Variants in FNBP4 observed in about 807,000 individuals in gnomAD.
The protein encoded by FNBP4 is formin binding protein 4.
In FNBP4, 34 loss-of-function variants were observed where a neutral mutation model predicts 119.3. The observed-to-expected ratio is 0.28, with a 90% CI of 0.22 to 0.38. FNBP4 has a LOEUF of 0.38. FNBP4 is among the 10% of genes least tolerant of loss of function. The pLI is 1.00. For missense variants in FNBP4, 1,112 were observed against 1,228.9 expected (o/e 0.90, Z 1.42); for synonymous variants, 462 against 430.6 (o/e 1.07, Z -0.90).
At chr11:47,743,035 A>T (rs1472924914) in intron 8 of FNBP4, among the ~76,000 whole-genome samples, 2 of 150,760 alleles carry the variant, frequency 1.3e-5, no homozygotes, top group Non-Finnish European at 2.9e-5. Flanking sequence ...TATGTTGCCC[A>T]GCTAGCCTGG....
At chr11:47,745,496 C>A (rs546576927) in intron 7 of FNBP4, among the ~76,000 whole-genome samples, 1 of 152,006 alleles carries the variant, frequency 6.6e-6, no homozygotes, top group African/African-American at 2.4e-5. Context: ...GGGAAAAACC[C>A]GGCCCTGGTA....
chr11:47,717,445 T>C lies in FNBP4; in HGVS notation c.3031A>G (p.Arg1011Gly), dbSNP rs762219621. ...AACTATGTGTTTGGAGCCATTTTCC[T>C]TCTCTTCAGCCTTGCTCTCCAATCC... ...PEDWRARLKR[R>G]KMAPNT The change falls in exon 17 of 17, where the codon AGG (arginine) becomes GGG (glycine). Residue 1011 changes from arginine to glycine, a missense_variant. By Grantham distance (125) the Arg-to-Gly change is moderately radical. Coordinates refer to ENST00000263773, the MANE Select transcript of FNBP4 (RefSeq NM_015308.5). 1 of 1,612,462 alleles carries C rather than the reference T, an allele frequency of 6.2e-7. No individual in the cohort carries two copies. Among genetic ancestry groups the C allele is most frequent in the Non-Finnish European group, 8.5e-7 (1 of 1,179,648 alleles).
intron 2 of FNBP4, among the ~76,000 whole-genome samples, chr11:47,759,914 T>C (rs995217890): frequency 6.6e-6 from 1 of 152,122 alleles, no homozygotes; most frequent in Non-Finnish European, 1.5e-5. Context: ...GGCTGTGCCA[T>C]TGCACTCCAA....
intron 12 of FNBP4, among the ~76,000 whole-genome samples, chr11:47,730,770 TAACTA>T (rs953935619): frequency 7.2e-5 from 11 of 152,168 alleles, no homozygotes; most frequent in Non-Finnish European, 1.5e-4. Flanking sequence ...AAAATGTATG[TAACTA>T]AACTAAATTC....
chr11:47,727,906 T>A (rs1467581031), intron 12 of FNBP4, among the ~76,000 whole-genome samples: 1 of 152,182 alleles, frequency 6.6e-6, no homozygotes, highest in African/African-American at 2.4e-5. Context: ...TTAGATGGAC[T>A]CTTGCTCTTG....
chr11:47,750,381 CAAAAAAAAAAAAAAA>C (rs59583797), intron 6 of FNBP4, among the ~76,000 whole-genome samples: 4 of 24,752 alleles, frequency 1.6e-4, no homozygotes, highest in African/African-American at 1.9e-4. Context: ...GACTCCATAT[CAAAAAAAAAAAAAAA>C]AAAAAAAAAA....
intron 6 of FNBP4, 39 bp downstream of exon 6, chr11:47,750,877 A>G (rs766217807): frequency 1.2e-6 from 2 of 1,608,752 alleles, no homozygotes; most frequent in Non-Finnish European, 1.7e-6. Flanking sequence ...CGCTTATTAG[A>G]TCTGAAAATA....
intron 12 of FNBP4, 90 bp from the exon 13 acceptor site, chr11:47,724,868 T>C (rs1447518662): frequency 6.8e-7 from 1 of 1,472,472 alleles, no homozygotes; most frequent in Admixed American, 2.5e-5. Context: ...AGTAAGATAA[T>C]CATTTATAGG....
chr11:47,754,809 CAGA>C (rs2097613004), intron 2 of FNBP4, 145 bp from the exon 3 acceptor site: 1 of 843,494 alleles, frequency 1.2e-6, no homozygotes, highest in Non-Finnish European at 1.8e-6. Context: ...TGAACTACCA[CAGA>C]AGAATAAATT....
chr11:47,749,048 CAG>C (rs937873231), intron 6 of FNBP4, among the ~76,000 whole-genome samples: 30 of 152,190 alleles, frequency 2.0e-4, no homozygotes, highest in Middle Eastern at 3.4e-3. Flanking sequence ...CACTTGAGCT[CAG>C]AGTTTGAGAC....
At chr11:47,765,049 T>TA (rs1011318449) in intron 2 of FNBP4, among the ~76,000 whole-genome samples, 7 of 151,664 alleles carry the variant, frequency 4.6e-5, no homozygotes, top group African/African-American at 1.5e-4. Context: ...AAAAAAACAG[T>TA]AAAAAACGTT....
intron 12 of FNBP4, 88 bp downstream of exon 12, chr11:47,731,286 T>G: frequency 8.0e-7 from 1 of 1,251,310 alleles, no homozygotes; most frequent in South Asian, 1.6e-5. Context: ...TATATTATTA[T>G]GACATAAAAT....
chr11:47,724,874 A>C, intron 12 of FNBP4, 96 bp from the exon 13 acceptor site: 1 of 1,456,668 alleles, frequency 6.9e-7, no homozygotes, highest in South Asian at 1.5e-5. Flanking sequence ...ATAATCATTT[A>C]TAGGAACCTA....
chr11:47,743,869 G>T, intron 8 of FNBP4, 84 bp downstream of exon 8: 2 of 1,236,946 alleles, frequency 1.6e-6, no homozygotes, highest in African/African-American at 1.5e-5. Flanking sequence ...CTCCTGTTTT[G>T]TTGAAGAGGA....
At position 47,721,114 on chromosome 11, in the gene FNBP4, G is replaced by A. The variant is rs571153872; in HGVS notation, c.2806-1028C>T. Among the ~76,000 whole-genome samples the A allele has an allele frequency of 5.3e-5, 8 of 151,950 alleles. No individual in the cohort carries two copies. The South Asian group carries it at 1.7e-3, about 32-fold the overall frequency. On this transcript the variant is annotated intron_variant, in intron 15 of 16. Transcript: ENST00000263773. The stretch of plus-strand genomic sequence containing the variant: ...AGGCGGGAGGATCACGAGGTCAGGT[G>A]ATCGAGACCATCCTAGCTAACACGG...
rs571280950 is a variant in FNBP4, at chr11:47,749,717, T to C, written c.906+1199A>G. The stretch of plus-strand genomic sequence containing the variant: ...GGTTTCACTAACATAGTATCCGTTA[T>C]TGAAAAATCCAAAATCTGAAACCGT... On this transcript the variant is annotated intron_variant, in intron 6 of 16. Transcript: ENST00000263773. 1.9e-4 allele frequency among the ~76,000 whole-genome samples: 29 copies of C among 152,302 alleles called. 1 individual carries two copies. The East Asian group carries it at 3.7e-3, about 19-fold the overall frequency.
intron 8 of FNBP4, among the ~76,000 whole-genome samples, chr11:47,737,776 C>T (rs1469830066): frequency 2.0e-5 from 3 of 146,348 alleles, no homozygotes; most frequent in Non-Finnish European, 3.0e-5. Context: ...GATGGAGTTT[C>T]GCTCTTGTTG....
At chr11:47,744,188 T>TA in intron 7 of FNBP4, 25 bp from the exon 8 acceptor site, 1 of 1,555,600 alleles carries the variant, frequency 6.4e-7, no homozygotes, top group Non-Finnish European at 8.9e-7. Flanking sequence ...ACAATTAAGT[T>TA]AGTGTCATTA....
intron 2 of FNBP4, among the ~76,000 whole-genome samples, chr11:47,762,766 T>C (rs1691464414): frequency 6.6e-6 from 1 of 151,542 alleles, no homozygotes; most frequent in South Asian, 2.1e-4. Context: ...AAAAATTAGC[T>C]GGGCATGGTG....
Sources: gnomAD v4.1 joint callset for allele counts (sites outside exome capture counted in the v4.1 genomes callset) on GRCh38, gnomAD v4.1.1 for gene constraint, MANE v1.5 for transcripts, NCBI Gene and HGNC (gene_info 2026-07-23, HGNC 2026-07-21) for gene names.